Variants in AXDND1 observed in about 807,000 individuals in gnomAD.
AXDND1 encodes axonemal dynein light chain domain-containing protein 1.
Under a neutral mutation model 137.5 loss-of-function variants are expected in AXDND1, and 110 were observed. The ratio of observed to expected loss-of-function variants is 0.80; its 90% CI spans 0.69 to 0.94. The LOEUF (loss-of-function observed/expected upper bound fraction) is 0.94, where lower values mean the gene tolerates loss of function less well. Ranked by LOEUF, AXDND1 falls within the 40% of genes least tolerant of loss-of-function variation. AXDND1 has a pLI of 0.00. For synonymous variants in AXDND1, 414 were observed against 399.7 expected (o/e 1.04, Z -0.43); for missense variants, 1,191 against 1,169.8 (o/e 1.02, Z -0.26).
intron 12 of AXDND1, among the ~76,000 whole-genome samples, chr1:179,414,624 A>G (rs1654415349): frequency 6.6e-6 from 1 of 151,870 alleles, no homozygotes; most frequent in Non-Finnish European, 1.5e-5. Flanking sequence ...AGGGGGTTTC[A>G]CCGTGTTAGC....
At chr1:179,554,452 C>A in intron 25 of AXDND1, 60 bp from the exon 26 acceptor site, 1 of 1,613,876 alleles carries the variant, frequency 6.2e-7, no homozygotes, top group South Asian at 1.1e-5. Context: ...TCATACAGTT[C>A]TTGCTAGTTA....
intron 10 of AXDND1, 104 bp from the exon 11 acceptor site, chr1:179,394,994 C>A: frequency 1.1e-6 from 1 of 902,322 alleles, no homozygotes; most frequent in Non-Finnish European, 1.7e-6. Context: ...AAGGGAGGTA[C>A]ACATGATAAC....
intron 25 of AXDND1, among the ~76,000 whole-genome samples, chr1:179,547,086 T>C (rs1672720233): frequency 6.6e-6 from 1 of 152,206 alleles, no homozygotes; most frequent in Non-Finnish European, 1.5e-5. Flanking sequence ...AAGCTCTAGA[T>C]CACTGTCTGG....
At chr1:179,411,304 T>TG (rs1162381618) in intron 12 of AXDND1, 38 bp downstream of exon 12, 1 of 1,597,520 alleles carries the variant, frequency 6.3e-7, no homozygotes, top group Non-Finnish European at 8.5e-7. Context: ...ACTTCTTTTT[T>TG]GGCTAAAGAT....
At chr1:179,468,932 A>AT (rs34177524) in intron 17 of AXDND1, among the ~76,000 whole-genome samples, 4,366 of 145,736 alleles carry the variant, frequency 0.03, 101 homozygotes, top group African/African-American at 0.065. Context: ...GTTATGAACA[A>AT]TTTTTTTTTT....
At position 179,529,687 on chromosome 1, in the gene AXDND1, A is replaced by G. The variant is rs147449160; in HGVS notation, c.2715+1256A>G. On this transcript the variant is annotated intron_variant, in intron 23 of 25. Transcript: ENST00000367618. The stretch of plus-strand genomic sequence containing the variant: ...TTCTTTTCAGACTTTGAAAGGCATC[A>G]GACTCTCAATCTCTCCTGGGTCCTG... Among the ~76,000 whole-genome samples the G allele has an allele frequency of 4.6e-5, 7 of 152,318 alleles. 1 individual carries two copies. The East Asian group carries it at 1.4e-3, about 29-fold the overall frequency.
chr1:179,517,396 G>T (rs573353076), intron 21 of AXDND1, among the ~76,000 whole-genome samples: 2 of 152,346 alleles, frequency 1.3e-5, no homozygotes, highest in African/African-American at 4.8e-5. Context: ...CAAAAGAAAA[G>T]AGTTTTGGTT....
chr1:179,429,647 G>GA (rs746466070), intron 13 of AXDND1, 28 bp downstream of exon 13: 19 of 1,397,324 alleles, frequency 1.4e-5, no homozygotes, highest in Admixed American at 2.6e-5. Context: ...TCAGTTATGG[G>GA]AAAAAAAGAT....
chr1:179,458,848 G>A (rs1379267414), intron 16 of AXDND1, among the ~76,000 whole-genome samples: 1 of 147,430 alleles, frequency 6.8e-6, no homozygotes, highest in Non-Finnish European at 1.5e-5. Context: ...GAGGATGCTT[G>A]ATATCAACAT....
chr1:179,388,111 G>A (rs1307904196), intron 9 of AXDND1, among the ~76,000 whole-genome samples: 3 of 152,134 alleles, frequency 2.0e-5, no homozygotes, highest in Non-Finnish European at 4.4e-5. Flanking sequence ...CATTAGGCTG[G>A]CACAATTGTA....
chr1:179,530,038 A>G (rs1670907590), intron 23 of AXDND1, among the ~76,000 whole-genome samples: 1 of 152,048 alleles, frequency 6.6e-6, no homozygotes, highest in Non-Finnish European at 1.5e-5. Context: ...CGTGAGATTT[A>G]TTTATTTAGA....
chr1:179,438,953 C>T (rs889993208), intron 15 of AXDND1, among the ~76,000 whole-genome samples: 1 of 151,872 alleles, frequency 6.6e-6, no homozygotes, highest in Non-Finnish European at 1.5e-5. Context: ...AAAAGGTGGG[C>T]TAAAGCCTGC....
chr1:179,472,937 C>G (rs1664144841), intron 17 of AXDND1, among the ~76,000 whole-genome samples: 2 of 151,944 alleles, frequency 1.3e-5, no homozygotes, highest in South Asian at 4.1e-4. Context: ...ATAGTTGATT[C>G]ATGTTTTTAA....
intron 16 of AXDND1, chr1:179,447,568 G>T: frequency 3.2e-6 from 3 of 930,042 alleles, no homozygotes; most frequent in Admixed American, 2.9e-5. Flanking sequence ...ATGTTTTAAA[G>T]AATGAAGTTG....
intron 9 of AXDND1, among the ~76,000 whole-genome samples, chr1:179,390,458 A>G (rs1009517160): frequency 2.0e-5 from 3 of 152,242 alleles, no homozygotes; most frequent in Non-Finnish European, 4.4e-5. Flanking sequence ...TTTGTGTTTA[A>G]ATAGTTGTCG....
At chr1:179,409,990 C>T (rs907770829) in intron 11 of AXDND1, among the ~76,000 whole-genome samples, 1 of 151,528 alleles carries the variant, frequency 6.6e-6, no homozygotes, top group Admixed American at 6.6e-5. Flanking sequence ...GTCATTAATT[C>T]TCTTTTGATA....
At chr1:179,496,157 A>G (rs61100999) in intron 20 of AXDND1, among the ~76,000 whole-genome samples, 16,278 of 151,982 alleles carry the variant, frequency 0.11, 995 homozygotes, top group African/African-American at 0.14. Context: ...CATAAGGGAT[A>G]TTTATTAAAT....
At chr1:179,483,036 C>A (rs2125541212) in intron 17 of AXDND1, 92 bp from the exon 18 acceptor site, 2 of 808,774 alleles carry the variant, frequency 2.5e-6, no homozygotes, top group African/African-American at 1.8e-5. Context: ...GTTTACAATA[C>A]CCAGCCAAAT....
chr1:179,464,515 T>C lies in AXDND1; in HGVS notation c.1799-3928T>C, dbSNP rs560711872. The stretch of plus-strand genomic sequence containing the variant: ...AATCTGATGGACTTCCCTTTGTGAG[T>C]AACCCGACTTTTCTCTGTGGCTGCC... On this transcript the variant is annotated intron_variant, in intron 16 of 25. Transcript: ENST00000367618. Among the ~76,000 whole-genome samples, 202 of 152,320 alleles carry C rather than the reference T, an allele frequency of 1.3e-3. 1 individual carries two copies. Among genetic ancestry groups the C allele is most frequent in the Non-Finnish European group, 2.4e-3 (164 of 68,026 alleles).
Sources: gnomAD v4.1 joint callset for allele counts (sites outside exome capture counted in the v4.1 genomes callset) on GRCh38, gnomAD v4.1.1 for gene constraint, MANE v1.5 for transcripts, NCBI Gene and HGNC (gene_info 2026-07-23, HGNC 2026-07-21) for gene names.